Variants in FOXO3B observed in about 807,000 individuals in gnomAD.
The protein encoded by FOXO3B is forkhead box O3B.
Under a neutral mutation model 21.9 loss-of-function variants are expected in FOXO3B, and 15 were observed. The observed-to-expected ratio is 0.68, with a 90% CI of 0.46 to 1.05. The LOEUF is 1.05. Ranked by LOEUF, FOXO3B falls within the 50% of genes least tolerant of loss-of-function variation. The pLI is 0.00. For missense variants in FOXO3B, 293 were observed against 435.5 expected, an observed-to-expected ratio of 0.67 and a Z score of 2.91; for synonymous variants, 135 against 213.6, an observed-to-expected ratio of 0.63 and a Z score of 3.21.
At chr17:18,681,965 T>C in intron 1 of FOXO3B, 119 bp from the exon 2 acceptor site, 1 of 621,858 alleles carries the variant, frequency 1.6e-6, no homozygotes, top group Non-Finnish European at 2.9e-6. Flanking sequence ...CATCAGGAGT[T>C]TGGACAAATT....
chr17:18,671,099 G>C lies in FOXO3B; in HGVS notation c.*1210C>G. On this transcript the variant is annotated 3_prime_UTR_variant, in exon 4 of 4. Coordinates refer to ENST00000395675, the MANE Select transcript of FOXO3B (RefSeq NM_001368135.1). ...CATTGAACATGTCCAGGTCCAAGTC[G>C]CTGGGGAACTTCTCATGGCCCATGA... 6.4e-6 allele frequency: 6 copies of C among 932,978 alleles called. No homozygotes were observed. The highest frequency in any genetic ancestry group is 1.0e-5 in the Non-Finnish European group (6 of 581,944). The allele number at this position is 932,978 out of a possible 1,614,324, so 57.8% of individuals were successfully genotyped here. A position where few individuals can be genotyped will look rare whatever the true frequency, so the allele number is the denominator to read the frequency against.
In FOXO3B at chr17:18,672,406, G is replaced by C. The variant is rs1567889868; in HGVS notation, c.776C>G (p.Pro259Arg). The C allele has an allele frequency of 5.0e-6, 8 of 1,613,004 alleles. No individual in the cohort carries two copies. The Middle Eastern group carries it at 5.0e-4, about 100-fold the overall frequency. Residue 259 changes from proline to arginine, a missense_variant, in exon 4 of 4, where the codon CCG becomes CGG. By Grantham distance (103) the Pro-to-Arg change is moderately radical. This residue lies in a region of FOXO3B where 251 missense variants were observed against 404.0 expected (regional missense o/e 0.62). Transcript: ENST00000395675. The surrounding 1 kb of genome is among the most constrained non-coding windows in gnomAD (Gnocchi z 4.2). ...CTGGGACAGAGTGAGCCGTCTGTCCGGGGAGCTCTCGATGGCGCGGGTGAT... is the reference window on the plus strand; with the variant it reads ...CTGGGACAGAGTGAGCCGTCTGTCCCGGGAGCTCTCGATGGCGCGGGTGAT... Reference protein sequence around the residue: ...DLITRAIESSPDRRLTLSQIY... With the variant: ...DLITRAIESSRDRRLTLSQIY...
Position 18,669,237 on chromosome 17 carries a change from G to A in FOXO3B, c.*3072C>T, listed in dbSNP as rs559207037. ...CCCTGGTGGCCGGTGGTGTGTGCAG[G>A]GGGTTGGGTGGCACGTCTGTGTTGG... On this transcript the variant is annotated 3_prime_UTR_variant, in exon 4 of 4. Transcript: ENST00000395675. 9.3e-5 allele frequency: 13 copies of A among 139,702 alleles called. No individual in the cohort carries two copies. The East Asian group carries it at 2.6e-3, about 28-fold the overall frequency. The allele number at this position is 139,702 out of a possible 1,614,324, so 8.7% of individuals were successfully genotyped here.
intron 3 of FOXO3B, among the ~76,000 whole-genome samples, chr17:18,678,211 T>G (rs1436761849): frequency 1.3e-5 from 2 of 152,144 alleles, no homozygotes; most frequent in East Asian, 3.8e-4. Flanking sequence ...AAGAAAAGTT[T>G]GAAACACATG....
At position 18,680,832 on chromosome 17, in the gene FOXO3B, A is replaced by C. The variant is rs1555619877; in HGVS notation, c.38-3T>G. ...GGGAGAATCCTGGGAAGACAGAACT[A>C]ACGACAAGAAAGCAGTAATGATGAG... On this transcript the variant is annotated splice_region_variant and splice_polypyrimidine_tract_variant and intron_variant, in intron 2 of 3. Coordinates refer to ENST00000395675, the MANE Select transcript of FOXO3B (RefSeq NM_001368135.1). 3 of 1,594,392 alleles carry C rather than the reference A, an allele frequency of 1.9e-6. No homozygotes were observed. Among genetic ancestry groups the C allele is most frequent in the Non-Finnish European group, 2.6e-6 (3 of 1,167,144 alleles).
rs952859648 is a variant in FOXO3B at position 18,671,764 on chromosome 17, C to T, written c.*545G>A. The T allele has an allele frequency of 2.6e-5, 42 of 1,613,406 alleles. No homozygotes were observed. The highest frequency in any genetic ancestry group is 3.5e-5 in the Non-Finnish European group (41 of 1,179,856). The stretch of plus-strand genomic sequence containing the variant: ...AGCGTGATGTTATCCAGCAGGTCGT[C>T]CATGAGGTTTTCAGTCAGCCCCATC... On this transcript the variant is annotated 3_prime_UTR_variant, in exon 4 of 4. Transcript: ENST00000395675.
chr17:18,672,987 G>A lies in FOXO3B; in HGVS notation c.195C>T (p.His65=). The A allele has an allele frequency of 6.8e-7, 1 of 1,476,376 alleles. No individual in the cohort carries two copies. The highest frequency in any genetic ancestry group is 1.5e-5 in the African/African-American group (1 of 67,480). 91.5% of individuals were successfully genotyped at this position (1,476,376 alleles called of 1,614,324 possible). ...CGCTCTCCTCTCGCGCCGGGGCGGGGTGCAGCGGGGGAGGGACGTGGACGC... is the reference window on the plus strand; with the variant it reads ...CGCTCTCCTCTCGCGCCGGGGCGGGATGCAGCGGGGGAGGGACGTGGACGC... ...LRGVHVPPPL[H]PAPAREESAR... Residue 65 remains histidine (H), a synonymous_variant, in exon 4 of 4, where the codon CAC becomes CAT. Transcript: ENST00000395675. This position sits in a 1 kb window ranked among gnomAD's most constrained non-coding sequence, Gnocchi z 4.2.
At chr17:18,677,505 G>A in intron 3 of FOXO3B, 3 of 1,613,930 alleles carry the variant, frequency 1.9e-6, no homozygotes, top group Non-Finnish European at 2.5e-6. Context: ...CCTGCTCTTG[G>A]AGAACTACGA....
At chr17:18,675,776 G>C (rs2032472764) in intron 3 of FOXO3B, among the ~76,000 whole-genome samples, 1 of 151,938 alleles carries the variant, frequency 6.6e-6, no homozygotes, top group Non-Finnish European at 1.5e-5. Flanking sequence ...CACGGAAAAA[G>C]ACAAAATTAG....
At chr17:18,677,177 A>G in intron 3 of FOXO3B, 1 of 1,158,690 alleles carries the variant, frequency 8.6e-7, no homozygotes, top group Non-Finnish European at 1.2e-6. Context: ...TGGTACAATG[A>G]CTCTAGAAAC....
intron 3 of FOXO3B, among the ~76,000 whole-genome samples, chr17:18,676,232 C>A (rs1169307086): frequency 1.3e-5 from 2 of 152,140 alleles, no homozygotes; most frequent in Admixed American, 6.5e-5. Flanking sequence ...ATCAGATTGA[C>A]AAAAATTAAC....
chr17:18,673,024 C>G lies in FOXO3B; in HGVS notation c.158G>C (p.Arg53Pro). ...AAAAAAAPGS[R>P]SLRGVHVPPP... ...AGGGACGTGGACGCCGCGAAGGCTC[C>G]GGCTCCCGGGCGCCGCCGCCGCCGC... is the stretch of plus-strand genomic sequence containing the variant. Residue 53 changes from arginine to proline, a missense_variant, in exon 4 of 4, where the codon CGG becomes CCG. Arg to Pro is a moderately radical substitution (Grantham distance 103). Transcript: ENST00000395675. 6.9e-7 allele frequency: 1 copy of G among 1,459,752 alleles called. No individual in the cohort carries two copies. The highest frequency in any genetic ancestry group is 9.0e-7 in the Non-Finnish European group (1 of 1,113,238). 90.4% of individuals were successfully genotyped at this position (1,459,752 alleles called of 1,614,324 possible). A position where few individuals can be genotyped will look rare whatever the true frequency, so the allele number is the denominator to read the frequency against.
chr17:18,674,189 G>A (rs2032432845), intron 3 of FOXO3B, among the ~76,000 whole-genome samples: 1 of 151,860 alleles, frequency 6.6e-6, no homozygotes, highest in African/African-American at 2.4e-5. Flanking sequence ...GAAGGTAACT[G>A]GTTGTGGGAA....
chr17:18,673,488 A>G lies in FOXO3B; in HGVS notation c.127-433T>C, dbSNP rs2649412. Among the ~76,000 whole-genome samples, 5 of 152,220 alleles carry G rather than the reference A, an allele frequency of 3.3e-5. No individual in the cohort carries two copies. The South Asian group carries it at 6.2e-4, about 19-fold the overall frequency. ...TGTAGTATAGTAACTATTGGTAGAT[A>G]TAACCTACATAAATGAAACATCTTT... On this transcript the variant is annotated intron_variant, in intron 3 of 3. Transcript: ENST00000395675.
Position 18,667,788 on chromosome 17 carries a change from T to G in FOXO3B, c.*4521A>C, listed in dbSNP as rs1226999403. On this transcript the variant is annotated 3_prime_UTR_variant, in exon 4 of 4. Transcript: ENST00000395675. ...GCAGATCCCAAGAGCGCATGTCATG[T>G]TTTCAACATTAGGTACTCTTCTAAT... is the stretch of plus-strand genomic sequence containing the variant. 1.3e-5 allele frequency: 2 copies of G among 151,798 alleles called. No homozygotes were observed. Among genetic ancestry groups the G allele is most frequent in the African/African-American group, 2.4e-5 (1 of 40,840 alleles). 9.4% of individuals were successfully genotyped at this position (151,798 alleles called of 1,614,324 possible).
chr17:18,673,232 T>TA (rs199564836), intron 3 of FOXO3B, among the ~76,000 whole-genome samples, 177 bp from the exon 4 acceptor site: 4,212 of 152,244 alleles, frequency 0.028, 219 homozygotes, highest in African/African-American at 0.096. Context: ...TGTTTTTTAA[T>TA]AAAAAAATAT....
chr17:18,671,824 C>G lies in FOXO3B; in HGVS notation c.*485G>C. On this transcript the variant is annotated 3_prime_UTR_variant, in exon 4 of 4. Coordinates refer to ENST00000395675, the MANE Select transcript of FOXO3B (RefSeq NM_001368135.1). Reference sequence around the variant, plus strand: ...CATGGTGCCTGCCATGTCAGTCAGCCGTAGCAGTTCCACCGTGCACGGCTT... The same window carrying G: ...CATGGTGCCTGCCATGTCAGTCAGCGGTAGCAGTTCCACCGTGCACGGCTT... The G allele has an allele frequency of 6.3e-7, 1 of 1,577,558 alleles. No homozygotes were observed. Among genetic ancestry groups the G allele is most frequent in the Non-Finnish European group, 8.7e-7 (1 of 1,148,676 alleles).
chr17:18,672,153 G>A lies in FOXO3B; in HGVS notation c.*156C>T. The A allele has an allele frequency of 6.2e-7, 1 of 1,612,712 alleles. No homozygotes were observed. Among genetic ancestry groups the A allele is most frequent in the Non-Finnish European group, 8.5e-7 (1 of 1,179,240 alleles). On this transcript the variant is annotated 3_prime_UTR_variant, in exon 4 of 4. Transcript: ENST00000395675. The surrounding 1 kb of genome is among the most constrained non-coding windows in gnomAD (Gnocchi z 4.2). Reference sequence around the variant, plus strand: ...TGCGGCCACGGCTCTTGGTATACTTGTTGCTATTGTCCATGGAGACAGCCC... The same window carrying A: ...TGCGGCCACGGCTCTTGGTATACTTATTGCTATTGTCCATGGAGACAGCCC...
intron 3 of FOXO3B, chr17:18,677,115 A>G (rs769693620): frequency 8.4e-5 from 57 of 679,538 alleles, no homozygotes; most frequent in Admixed American, 7.9e-4. Context: ...TTAAGTGTTG[A>G]CAAGCATGTG....
Sources: allele counts gnomAD v4.1 joint callset (sites outside exome capture counted in the v4.1 genomes callset), GRCh38; gene constraint gnomAD v4.1.1; regional missense constraint gnomAD v4.1.1; non-coding constraint Gnocchi (gnomAD v3.1); transcripts MANE v1.5; gene names NCBI Gene and HGNC (gene_info 2026-07-23, HGNC 2026-07-21).